Variants in SERINC5 observed in about 807,000 individuals in gnomAD.
The protein encoded by SERINC5 is serine incorporator 5.
A neutral mutation model predicts 63.1 loss-of-function variants in SERINC5; 41 were observed. The observed-to-expected ratio is 0.65, with a 90% CI of 0.51 to 0.84. The LOEUF (loss-of-function observed/expected upper bound fraction) is 0.84. Ranked by LOEUF, SERINC5 falls within the 40% of genes least tolerant of loss-of-function variation. SERINC5 has a pLI of 0.00. For missense variants in SERINC5, 523 were observed against 573.0 expected (o/e 0.91, Z 0.89); for synonymous variants, 222 against 215.2 (o/e 1.03, Z -0.28).
intron 1 of SERINC5, among the ~76,000 whole-genome samples, chr5:80,216,290 C>T (rs183136088): frequency 6.6e-6 from 1 of 152,282 alleles, no homozygotes; most frequent in East Asian, 1.9e-4. Flanking sequence ...CCAGTCACAA[C>T]TCCCCCTCTC....
chr5:80,181,307 C>T (rs1049476003), intron 2 of SERINC5, among the ~76,000 whole-genome samples: 8 of 152,112 alleles, frequency 5.3e-5, no homozygotes, highest in South Asian at 2.1e-4. Flanking sequence ...AGTGCAGTGG[C>T]GCAATCTTGG....
chr5:80,118,682 G>C (rs1744426598), intron 11 of SERINC5, among the ~76,000 whole-genome samples: 1 of 151,274 alleles, frequency 6.6e-6, no homozygotes, highest in South Asian at 2.1e-4. Context: ...TGAGTAGCTG[G>C]GACTACAGGC....
At chr5:80,215,609 C>T (rs535033727) in intron 1 of SERINC5, among the ~76,000 whole-genome samples, 12 of 152,266 alleles carry the variant, frequency 7.9e-5, no homozygotes, top group Admixed American at 4.6e-4. Flanking sequence ...TCCTCTAAAG[C>T]GCCAAGGCTT....
chr5:80,234,730 C>T (rs1466265230), intron 1 of SERINC5, among the ~76,000 whole-genome samples: 1 of 152,126 alleles, frequency 6.6e-6, no homozygotes, highest in Admixed American at 6.5e-5. Flanking sequence ...TCTAGGATAT[C>T]TTTAAAACTC....
chr5:80,198,532 T>C (rs1197566684), intron 2 of SERINC5: 2 of 985,220 alleles, frequency 2.0e-6, no homozygotes, highest in African/African-American at 1.7e-5. Flanking sequence ...GAACGCTGGG[T>C]AGGAGGCACT....
At chr5:80,167,926 T>A (rs1747409569) in intron 6 of SERINC5, among the ~76,000 whole-genome samples, 1 of 152,204 alleles carries the variant, frequency 6.6e-6, no homozygotes, top group African/African-American at 2.4e-5. Flanking sequence ...AAATTGTAAT[T>A]ACCAATAAAG....
At chr5:80,248,236 T>C (rs1212013705) in intron 1 of SERINC5, among the ~76,000 whole-genome samples, 2 of 152,204 alleles carry the variant, frequency 1.3e-5, no homozygotes, top group African/African-American at 4.8e-5. Flanking sequence ...CTTATGACAC[T>C]ATGCCAACAT....
Position 80,181,791 on chromosome 5 carries a change from A to G in SERINC5, c.196-3727T>C, listed in dbSNP as rs866432890. 8.5e-5 allele frequency among the ~76,000 whole-genome samples: 13 copies of G among 152,230 alleles called. No individual in the cohort carries two copies. In the South Asian group the frequency reaches 1.0e-3, roughly 12 times the overall value. On this transcript the variant is annotated intron_variant, in intron 2 of 11. Coordinates refer to ENST00000507668, the MANE Select transcript of SERINC5 (RefSeq NM_001174072.3). ...TCACTGGAGGACTCTGTGGCCATAA[A>G]AAGGGTAGGTACGGTTCTAACTCGT...
Position 80,138,906 on chromosome 5 carries a change from ATTTTATT to A in SERINC5, c.*4750_*4756del. 1 of 971,546 alleles carries A rather than the reference ATTTTATT, an allele frequency of 1.0e-6. No homozygotes were observed. Among genetic ancestry groups the A allele is most frequent in the Non-Finnish European group, 1.2e-6 (1 of 817,370 alleles). The allele number at this position is 971,546 out of a possible 1,614,324, so 60.2% of individuals were successfully genotyped here. A position where few individuals can be genotyped will look rare whatever the true frequency, so the allele number is the denominator to read the frequency against. On this transcript the variant is annotated 3_prime_UTR_variant, in exon 12 of 12. Transcript: ENST00000507668. ...AAAAACAACACAGTTTTAATTTTAA[ATTTTATT>A]AAAGTACAGAGTTAACAAGTTTTGA...
rs937678739 is a variant in SERINC5 at position 80,172,714 on chromosome 5, A to G, written c.551+2240T>C. Among the ~76,000 whole-genome samples the G allele has an allele frequency of 1.8e-4, 28 of 152,266 alleles. 1 individual carries two copies. Among genetic ancestry groups the G allele is most frequent in the Non-Finnish European group, 4.4e-5 (3 of 68,042 alleles). ...AAATGGGATTTTAAGAAGGAAAAAAATATCTAAGAGCAAATAATAATGGAT... is the reference window on the plus strand; with the variant it reads ...AAATGGGATTTTAAGAAGGAAAAAAGTATCTAAGAGCAAATAATAATGGAT... On this transcript the variant is annotated intron_variant, in intron 5 of 11. Transcript: ENST00000507668.
intron 1 of SERINC5, among the ~76,000 whole-genome samples, chr5:80,227,062 A>G (rs1339742164): frequency 6.6e-6 from 1 of 151,918 alleles, no homozygotes. Context: ...CGCCCGGCTA[A>G]TTTTTGTATT....
chr5:80,225,750 C>T (rs949982012), intron 1 of SERINC5, among the ~76,000 whole-genome samples: 16 of 152,076 alleles, frequency 1.1e-4, no homozygotes, highest in Admixed American at 2.6e-4. Context: ...CGAGTGTGTA[C>T]GCAAGGGCAG....
Position 80,214,071 on chromosome 5 carries a change from C to T in SERINC5, c.28-11018G>A, listed in dbSNP as rs541015086. On this transcript the variant is annotated intron_variant, in intron 1 of 11. Transcript: ENST00000507668. The stretch of plus-strand genomic sequence containing the variant: ...TTTAGATTTAAGATCAGTTAAATTA[C>T]AGAAGGTTCATGTTGTAGAATATAA... Among the ~76,000 whole-genome samples the T allele has an allele frequency of 2.9e-3, 443 of 152,196 alleles. 1 individual carries two copies. Among genetic ancestry groups the T allele is most frequent in the African/African-American group, 9.8e-3 (409 of 41,526 alleles).
downstream of SERINC5, among the ~76,000 whole-genome samples, chr5:80,137,270 C>T (rs149096608): frequency 6.6e-6 from 1 of 151,792 alleles, no homozygotes; most frequent in Non-Finnish European, 1.5e-5. Context: ...AAAGAGATAT[C>T]CATACCCCTA....
intron 2 of SERINC5, among the ~76,000 whole-genome samples, chr5:80,178,704 G>A (rs1379347514): frequency 6.6e-6 from 1 of 151,448 alleles, no homozygotes; most frequent in African/African-American, 2.4e-5. Flanking sequence ...TTCAATACAT[G>A]GATATATTTT....
chr5:80,183,017 C>T (rs1472876405), intron 2 of SERINC5, among the ~76,000 whole-genome samples: 1 of 152,082 alleles, frequency 6.6e-6, no homozygotes, highest in African/African-American at 2.4e-5. Flanking sequence ...CAGTCAGGCC[C>T]CCATCCTGTA....
intron 1 of SERINC5, among the ~76,000 whole-genome samples, chr5:80,226,715 G>C (rs1751181756): frequency 6.6e-6 from 1 of 152,128 alleles, no homozygotes; most frequent in African/African-American, 2.4e-5. Context: ...ATTTGTGGCA[G>C]TGATACTAAT....
chr5:80,178,422 G>C (rs1033764423), intron 2 of SERINC5, among the ~76,000 whole-genome samples: 5 of 143,320 alleles, frequency 3.5e-5, no homozygotes, highest in African/African-American at 1.3e-4. Flanking sequence ...GAGTTTAGTG[G>C]CACAATCACA....
chr5:80,193,349 C>T (rs185488054), intron 2 of SERINC5, among the ~76,000 whole-genome samples: 128 of 152,282 alleles, frequency 8.4e-4, no homozygotes, highest in African/African-American at 2.8e-3. Context: ...GCTGACAATG[C>T]TCATTTCCAA....
Sources: gnomAD v4.1 joint callset for allele counts (sites outside exome capture counted in the v4.1 genomes callset) on GRCh38, gnomAD v4.1.1 for gene constraint, MANE v1.5 for transcripts, NCBI Gene and HGNC (gene_info 2026-07-23, HGNC 2026-07-21) for gene names.